Variants in ZFC3H1 observed in about 807,000 individuals in gnomAD.
The protein encoded by ZFC3H1 is zinc finger C3H1 domain-containing protein.
In ZFC3H1, 71 loss-of-function variants were observed where a neutral mutation model predicts 243.7. That is an observed-to-expected ratio of 0.29 (90% CI 0.24 to 0.36). The LOEUF is 0.36. ZFC3H1 is among the 10% of genes least tolerant of loss of function. ZFC3H1 has a pLI of 1.00. For synonymous variants in ZFC3H1, 838 were observed against 813.0 expected, an observed-to-expected ratio of 1.03 and a Z score of -0.52; for missense variants, 1,966 against 2,317.1, an observed-to-expected ratio of 0.85 and a Z score of 3.11.
chr12:71,635,617 A>C (rs776506574), intron 9 of ZFC3H1, 37 bp from the exon 10 acceptor site: 1 of 1,500,874 alleles, frequency 6.7e-7, no homozygotes, highest in Non-Finnish European at 8.8e-7. Context: ...GTGATAACAA[A>C]AGGATGTCAT....
chr12:71,652,200 A>G (rs907352853), intron 2 of ZFC3H1, among the ~76,000 whole-genome samples: 9 of 152,118 alleles, frequency 5.9e-5, no homozygotes, highest in Non-Finnish European at 1.0e-4. Flanking sequence ...ATTTATATAT[A>G]TAATTTACTG....
chr12:71,630,092 G>C (rs1880284440), intron 18 of ZFC3H1, among the ~76,000 whole-genome samples: 1 of 151,900 alleles, frequency 6.6e-6, no homozygotes, highest in South Asian at 2.1e-4. Flanking sequence ...TTATTACTTG[G>C]CACCAAATCT....
chr12:71,653,172 G>A (rs944264464), intron 2 of ZFC3H1, among the ~76,000 whole-genome samples: 3 of 152,080 alleles, frequency 2.0e-5, no homozygotes, highest in African/African-American at 7.2e-5. Flanking sequence ...TAAGCAGGGA[G>A]AAGAAAAGTG....
chr12:71,623,646 C>A, intron 23 of ZFC3H1, 49 bp from the exon 24 acceptor site: 1 of 1,312,778 alleles, frequency 7.6e-7, no homozygotes, highest in South Asian at 1.4e-5. Context: ...GATGTCAGTA[C>A]CAGATTAACA....
At chr12:71,627,406 T>G (rs1880197196) in intron 21 of ZFC3H1, among the ~76,000 whole-genome samples, 4 of 152,214 alleles carry the variant, frequency 2.6e-5, no homozygotes. Context: ...TATCATAATT[T>G]TATTAACAAA....
At chr12:71,651,892 A>G (rs1565826724) in intron 2 of ZFC3H1, among the ~76,000 whole-genome samples, 1 of 152,222 alleles carries the variant, frequency 6.6e-6, no homozygotes, top group Non-Finnish European at 1.5e-5. Context: ...AACAAGTTAA[A>G]ACAAAATGGC....
intron 6 of ZFC3H1, among the ~76,000 whole-genome samples, chr12:71,640,300 G>C (rs1467543998): frequency 6.6e-6 from 1 of 152,220 alleles, no homozygotes; most frequent in Non-Finnish European, 1.5e-5. Flanking sequence ...TGGGATTACA[G>C]GTGTGAGTCA....
chr12:71,660,828 C>T (rs992656356), intron 1 of ZFC3H1, among the ~76,000 whole-genome samples: 4 of 151,938 alleles, frequency 2.6e-5, no homozygotes, highest in African/African-American at 9.7e-5. Flanking sequence ...CTTTAAAAAA[C>T]ACATATAAAC....
chr12:71,644,184 T>C lies in ZFC3H1; in HGVS notation c.1414A>G (p.Ile472Val). The change falls in exon 5 of 35, where the codon ATC becomes GTC. Residue 472 changes from isoleucine to valine, a missense_variant. Around this residue, in one of 4 missense-constraint regions of ZFC3H1, gnomAD observed 8 missense variants for 36.0 expected, o/e 0.22. Coordinates refer to ENST00000378743, the MANE Select transcript of ZFC3H1 (RefSeq NM_144982.5). Reference protein sequence around the residue: ...EEERRKREEEIRKIRDLSNQE... With the variant: ...EEERRKREEEVRKIRDLSNQE... ...TTTGAGAGATCTCGAATTTTTCTGA[T>C]TTCTTCCTCTCTTTTCCTTCTCTCT... The C allele has an allele frequency of 6.2e-7, 1 of 1,613,626 alleles. No individual in the cohort carries two copies. The highest frequency in any genetic ancestry group is 1.1e-5 in the South Asian group (1 of 91,016).
intron 1 of ZFC3H1, among the ~76,000 whole-genome samples, chr12:71,659,774 C>T (rs1045984183): frequency 6.6e-6 from 1 of 152,160 alleles, no homozygotes; most frequent in Non-Finnish European, 1.5e-5. Flanking sequence ...TGTCAAGATA[C>T]AATTTCTAAC....
chr12:71,631,012 A>C (rs1565813106), intron 16 of ZFC3H1, 58 bp from the exon 17 acceptor site: 1 of 1,443,220 alleles, frequency 6.9e-7, no homozygotes. Context: ...TCAGAAAACT[A>C]AGAAAACTTT....
intron 19 of ZFC3H1, among the ~76,000 whole-genome samples, chr12:71,629,356 G>T (rs1030165672): frequency 1.7e-4 from 26 of 151,678 alleles, no homozygotes; most frequent in Non-Finnish European, 2.9e-4. Flanking sequence ...TAGTAGAGAC[G>T]GGGTTTCACC....
chr12:71,630,920 G>T lies in ZFC3H1; in HGVS notation c.3505C>A (p.Pro1169Thr), dbSNP rs879162113. The change falls in exon 17 of 35, where the codon CCC becomes ACC. Residue 1169 changes from proline to threonine, a missense_variant. Around this residue, in one of 4 missense-constraint regions of ZFC3H1, gnomAD observed 1,383 missense variants for 1,723.7 expected, o/e 0.80. Coordinates refer to ENST00000378743, the MANE Select transcript of ZFC3H1 (RefSeq NM_144982.5). ...TTACTGTATGATACTGAGCTCAGGG[G>T]AAGTTTTTCCTTGGTTCGATAATAT... ...SPYYRTKEKLPLSSVSYSNMI... is the reference protein window; with the variant it reads ...SPYYRTKEKLTLSSVSYSNMI... The T allele has an allele frequency of 1.2e-6, 2 of 1,612,218 alleles. No individual in the cohort carries two copies. The highest frequency in any genetic ancestry group is 1.7e-5 in the Admixed American group (1 of 59,970).
rs745663523 is a variant in ZFC3H1 at position 71,633,001 on chromosome 12, T to C, written c.2702A>G (p.Gln901Arg). ...KLQEQIHRVQ[Q>R]RVTIKKALTL... ...CAAAGCTTTCTTAATTGTAACACGC[T>C]GTTGAACTCTGTGAATCTGAAAAAT... The change falls in exon 14 of 35, where the codon CAG (glutamine) becomes CGG (arginine). Residue 901 changes from glutamine (Q) to arginine (R), a missense_variant. Physicochemically the swap from Gln to Arg is conservative, Grantham distance 43. Transcript: ENST00000378743. 6.2e-7 allele frequency: 1 copy of C among 1,603,198 alleles called. No individual in the cohort carries two copies. The highest frequency in any genetic ancestry group is 8.5e-7 in the Non-Finnish European group (1 of 1,177,296).
chr12:71,642,271 G>T (rs1176345861), intron 6 of ZFC3H1, among the ~76,000 whole-genome samples, 165 bp downstream of exon 6: 1 of 152,172 alleles, frequency 6.6e-6, no homozygotes, highest in Non-Finnish European at 1.5e-5. Context: ...CTTATTTGAG[G>T]TTTGCTCTCT....
intron 30 of ZFC3H1, among the ~76,000 whole-genome samples, 161 bp downstream of exon 30, chr12:71,614,374 C>T (rs1266325834): frequency 6.6e-6 from 1 of 152,060 alleles, no homozygotes; most frequent in East Asian, 1.9e-4. Context: ...TATTGCTAGA[C>T]TCTGAATAGA....
Position 71,657,050 on chromosome 12 carries a change from CTTT to C in ZFC3H1, c.847_849del (p.Lys283del), listed in dbSNP as rs755050970. ...TGTGTTTTCTCCTCAGGAGCTACTT[CTTT>C]ACTTGAATCCTTTGTAATACTGACA... On this transcript the variant is annotated inframe_deletion, in exon 2 of 35. Transcript: ENST00000378743. 6.2e-6 allele frequency: 10 copies of C among 1,613,770 alleles called. No homozygotes were observed. The highest frequency in any genetic ancestry group is 1.6e-4 in the Middle Eastern group (1 of 6,080).
intron 2 of ZFC3H1, 53 bp downstream of exon 2, chr12:71,656,832 A>G (rs1881030831): frequency 7.9e-6 from 12 of 1,517,838 alleles, no homozygotes; most frequent in Non-Finnish European, 1.1e-5. Context: ...ACAAGTAGTT[A>G]CTACTTTAGA....
chr12:71,632,657 A>G (rs1880353084), intron 14 of ZFC3H1, 143 bp from the exon 15 acceptor site: 1 of 1,252,458 alleles, frequency 8.0e-7, no homozygotes. Flanking sequence ...AGTTTAACAT[A>G]AGTAGCCAAA....
Sources: allele counts gnomAD v4.1 joint callset (sites outside exome capture counted in the v4.1 genomes callset), GRCh38; gene constraint gnomAD v4.1.1; regional missense constraint gnomAD v4.1.1; transcripts MANE v1.5; gene names NCBI Gene and HGNC (gene_info 2026-07-23, HGNC 2026-07-21).